Variants in DOCK3 observed in about 807,000 individuals in gnomAD.
DOCK3 encodes dedicator of cytokinesis 3, also known as dedicator of cytokinesis protein 3.
A neutral mutation model predicts 265.6 loss-of-function variants in DOCK3; 60 were observed. That is an observed-to-expected ratio of 0.23 (90% CI 0.18 to 0.28). The LOEUF is 0.28. DOCK3 is among the 10% of genes least tolerant of loss of function. The pLI is 1.00. For synonymous variants in DOCK3, 881 were observed against 938.0 expected (o/e 0.94, Z 1.11); for missense variants, 1,981 against 2,594.3 (o/e 0.76, Z 5.14).
intron 7 of DOCK3, among the ~76,000 whole-genome samples, chr3:51,084,816 A>G (rs2082363003): frequency 6.6e-6 from 1 of 152,244 alleles, no homozygotes. Context: ...AACAGGAGTG[A>G]GTCCTTACCT....
chr3:50,779,374 TTAA>T (rs1409097470), intron 2 of DOCK3, among the ~76,000 whole-genome samples: 5 of 152,264 alleles, frequency 3.3e-5, no homozygotes, highest in Admixed American at 2.6e-4. Context: ...CAAATTTTTT[TTAA>T]TTTTTGTTTA....
At chr3:50,894,262 A>G (rs150880447) in intron 4 of DOCK3, among the ~76,000 whole-genome samples, 8 of 152,210 alleles carry the variant, frequency 5.3e-5, no homozygotes, top group African/African-American at 1.2e-4. Flanking sequence ...TAAATCTGCT[A>G]TCAGCAGATT....
chr3:50,855,608 A>G (rs185095268), intron 3 of DOCK3, among the ~76,000 whole-genome samples: 25 of 152,188 alleles, frequency 1.6e-4, no homozygotes, highest in African/African-American at 5.1e-4. Context: ...TAGTAAGTGA[A>G]CAGATAATTT....
intron 6 of DOCK3, among the ~76,000 whole-genome samples, chr3:51,067,463 G>GCA (rs1560014970): frequency 2.0e-5 from 3 of 151,792 alleles, no homozygotes; most frequent in African/African-American, 7.3e-5. Context: ...GTGTGCGCGC[G>GCA]CGTTGGAGGG....
chr3:51,172,599 A>T (rs1472472782), intron 12 of DOCK3, among the ~76,000 whole-genome samples: 1 of 152,210 alleles, frequency 6.6e-6, no homozygotes, highest in Admixed American at 6.5e-5. Flanking sequence ...AATTTGGTCC[A>T]ATTCCACATG....
intron 9 of DOCK3, among the ~76,000 whole-genome samples, chr3:51,129,940 C>T (rs1213490504): frequency 1.2e-4 from 18 of 152,154 alleles, no homozygotes; most frequent in East Asian, 1.9e-4. Flanking sequence ...ATAAATGTGC[C>T]GGAGTAACAC....
intron 28 of DOCK3, among the ~76,000 whole-genome samples, chr3:51,311,080 A>G (rs2109555262): frequency 6.6e-6 from 1 of 152,366 alleles, no homozygotes; most frequent in Non-Finnish European, 1.5e-5. Context: ...GATTGTAAAC[A>G]AAGTTGCACA....
intron 13 of DOCK3, among the ~76,000 whole-genome samples, chr3:51,212,547 G>T (rs1176360555): frequency 1.3e-5 from 2 of 149,348 alleles, no homozygotes; most frequent in African/African-American, 5.0e-5. Flanking sequence ...GTGGATTTCT[G>T]TTTACCCAGA....
At chr3:50,859,078 T>C (rs2046769968) in intron 3 of DOCK3, among the ~76,000 whole-genome samples, 1 of 152,060 alleles carries the variant, frequency 6.6e-6, no homozygotes, top group South Asian at 2.1e-4. Context: ...CTTATTTTCC[T>C]TGGGTTTCAT....
intron 27 of DOCK3, among the ~76,000 whole-genome samples, chr3:51,299,350 C>A (rs2082261740): frequency 6.6e-6 from 1 of 151,824 alleles, no homozygotes; most frequent in Non-Finnish European, 1.5e-5. Flanking sequence ...CAGAAATTTT[C>A]TCCCATTCTA....
At chr3:50,705,414 C>CATTTTT (rs1449103934) in intron 1 of DOCK3, among the ~76,000 whole-genome samples, 22 of 151,756 alleles carry the variant, frequency 1.4e-4, no homozygotes, top group African/African-American at 4.8e-4. Flanking sequence ...TGGTTTTTTT[C>CATTTTT]ATTTTTATTT....
intron 5 of DOCK3, among the ~76,000 whole-genome samples, chr3:50,939,548 T>C (rs1477269353): frequency 1.3e-5 from 2 of 152,194 alleles, no homozygotes; most frequent in African/African-American, 2.4e-5. Context: ...GTGGGGTTTA[T>C]TCTGGTAATA....
intron 5 of DOCK3, among the ~76,000 whole-genome samples, chr3:50,979,986 T>TAA (rs2077630838): frequency 6.6e-6 from 1 of 152,222 alleles, no homozygotes; most frequent in Non-Finnish European, 1.5e-5. Context: ...GGCTTTCTAG[T>TAA]ACTGTGTTGA....
At chr3:50,909,116 G>A (rs11923336) in intron 4 of DOCK3, among the ~76,000 whole-genome samples, 8,800 of 151,652 alleles carry the variant, frequency 0.058, 959 homozygotes, top group African/African-American at 0.2. Flanking sequence ...GTCTTTGCAC[G>A]TGAGATGGGT....
At chr3:51,208,572 A>AT (rs2089343944) in intron 12 of DOCK3, among the ~76,000 whole-genome samples, 1 of 152,170 alleles carries the variant, frequency 6.6e-6, no homozygotes, top group Non-Finnish European at 1.5e-5. Context: ...GTAGGGATTC[A>AT]TTTTAGAGTT....
intron 2 of DOCK3, among the ~76,000 whole-genome samples, chr3:50,823,440 C>G (rs2044570652): frequency 6.6e-6 from 1 of 152,198 alleles, no homozygotes; most frequent in Non-Finnish European, 1.5e-5. Context: ...CCATTCAACC[C>G]TGAGTGGACA....
At chr3:50,893,874 C>CA (rs2048761729) in intron 4 of DOCK3, among the ~76,000 whole-genome samples, 1 of 148,838 alleles carries the variant, frequency 6.7e-6, no homozygotes, top group Admixed American at 6.9e-5. Flanking sequence ...ATCACAAGGA[C>CA]AAAAAACCAA....
intron 12 of DOCK3, among the ~76,000 whole-genome samples, chr3:51,203,092 C>A (rs1171040475): frequency 6.6e-6 from 1 of 152,168 alleles, no homozygotes; most frequent in Non-Finnish European, 1.5e-5. Context: ...GAAGCATTCC[C>A]TTTGAAAACT....
intron 10 of DOCK3, among the ~76,000 whole-genome samples, chr3:51,154,613 T>C (rs1233309657): frequency 6.6e-6 from 1 of 152,210 alleles, no homozygotes; most frequent in Admixed American, 6.5e-5. Context: ...AAATTCTGAT[T>C]CTCTGATATT....
Sources: gnomAD v4.1 joint callset for allele counts (sites outside exome capture counted in the v4.1 genomes callset) on GRCh38, gnomAD v4.1.1 for gene constraint, MANE v1.5 for transcripts, NCBI Gene and HGNC (gene_info 2026-07-23, HGNC 2026-07-21) for gene names.